The following KDM5A variants were observed in gnomAD, a reference collection of about 807,000 sequenced individuals.
KDM5A encodes lysine-specific demethylase 5A.
In KDM5A, 42 loss-of-function variants were observed where a neutral mutation model predicts 193.5. The observed-to-expected ratio is 0.22, with a 90% CI of 0.17 to 0.28. KDM5A has a LOEUF of 0.28. Among genes scored for constraint, KDM5A ranks in the 10% least tolerant of loss-of-function variants. The pLI is 1.00. For synonymous variants in KDM5A, 796 were observed against 718.1 expected (o/e 1.11, Z -1.73); for missense variants, 1,692 against 2,055.1 (o/e 0.82, Z 3.42).
chr12:330,085 G>GTGTGTGTGTGTGTGTGTGTGTATATATA (rs377271333), intron 13 of KDM5A, among the ~76,000 whole-genome samples: 1 of 139,322 alleles, frequency 7.2e-6, no homozygotes, highest in African/African-American at 2.7e-5. Context: ...GTGTGTGTGT[G>GTGTGTGTGTGTGTGTGTGTGTATATATA]TATATATATA....
At chr12:286,951 C>A (rs1943226424) in intron 27 of KDM5A, among the ~76,000 whole-genome samples, 1 of 152,146 alleles carries the variant, frequency 6.6e-6, no homozygotes. Flanking sequence ...TCATTTCAGG[C>A]AAGTCATTTA....
At position 333,643 on chromosome 12, in the gene KDM5A, C is replaced by A; in HGVS notation, c.1497G>T (p.Glu499Asp). 1 of 1,614,088 alleles carries A rather than the reference C, an allele frequency of 6.2e-7. No individual in the cohort carries two copies. The change falls in exon 12 of 28, where the codon GAG (glutamate) becomes GAT (aspartate). Residue 499 changes from glutamate (E) to aspartate (D), a missense_variant. This residue lies in a region of KDM5A where 172 missense variants were observed against 260.3 expected (regional missense o/e 0.66). Transcript: ENST00000399788. ...ATGGCACACCATACCATGTCTTTGG[C>A]TCCCCCCTAGCAAAAGAAGTAACTG... ...SYSINYLHWG[E>D]PKTWYGVPSH...
chr12:375,052 T>C (rs1375199055), intron 3 of KDM5A, among the ~76,000 whole-genome samples: 2 of 152,212 alleles, frequency 1.3e-5, no homozygotes, highest in African/African-American at 2.4e-5. Flanking sequence ...CAATTATGTG[T>C]CTTGGAGTTG....
chr12:299,151 C>A (rs1292920556), intron 24 of KDM5A, among the ~76,000 whole-genome samples: 1 of 152,134 alleles, frequency 6.6e-6, no homozygotes, highest in Non-Finnish European at 1.5e-5. Context: ...AGAACTTCCC[C>A]AACCTAGCAA....
intron 5 of KDM5A, 59 bp from the exon 6 acceptor site, chr12:356,596 T>C: frequency 8.9e-7 from 1 of 1,120,468 alleles, no homozygotes; most frequent in Middle Eastern, 2.0e-4. Context: ...ATTAATTTTT[T>C]TACCCAAGGA....
chr12:356,293 G>C (rs1944228587), intron 6 of KDM5A, 139 bp downstream of exon 6: 3 of 663,170 alleles, frequency 4.5e-6, no homozygotes, highest in Non-Finnish European at 8.1e-6. Flanking sequence ...ATTAAAAAAG[G>C]CGATTTGCCT....
chr12:284,250 TA>T lies in KDM5A; in HGVS notation c.*1205del. ...TATTTATATATTCATATATGTATAT[TA>T]AAAAAGGAAAAATAATCTATGTATA... On this transcript the variant is annotated 3_prime_UTR_variant, in exon 28 of 28. Coordinates refer to ENST00000399788, the MANE Select transcript of KDM5A (RefSeq NM_001042603.3). 4.4e-6 allele frequency: 1 copy of T among 225,550 alleles called. No individual in the cohort carries two copies. The highest frequency in any genetic ancestry group is 8.8e-6 in the Non-Finnish European group (1 of 113,530). 14.0% of individuals were successfully genotyped at this position (225,550 alleles called of 1,614,324 possible). A position where few individuals can be genotyped will look rare whatever the true frequency, so the allele number is the denominator to read the frequency against.
chr12:286,352 C>T, intron 27 of KDM5A: 1 of 358,414 alleles, frequency 2.8e-6, no homozygotes, highest in Non-Finnish European at 5.4e-6. Context: ...CAAACTTTGA[C>T]CCTTCTGACA....
intron 13 of KDM5A, among the ~76,000 whole-genome samples, chr12:330,964 A>G (rs967791000): frequency 6.6e-6 from 1 of 152,186 alleles, no homozygotes; most frequent in East Asian, 1.9e-4. Flanking sequence ...CATAACAGCC[A>G]CTAAATACTT....
chr12:376,182 A>C (rs917378354), intron 3 of KDM5A, among the ~76,000 whole-genome samples: 5 of 152,176 alleles, frequency 3.3e-5, no homozygotes, highest in African/African-American at 9.7e-5. Context: ...CCAGAGGTGG[A>C]GTCTACAGAG....
At chr12:374,408 T>C (rs1466516526) in intron 3 of KDM5A, among the ~76,000 whole-genome samples, 1 of 152,178 alleles carries the variant, frequency 6.6e-6, no homozygotes, top group Non-Finnish European at 1.5e-5. Flanking sequence ...CCTGCCTTTT[T>C]TGTTTTCCAT....
rs1166418857 is a variant in KDM5A at position 295,822 on chromosome 12, C to T, written c.4235-29G>A. The T allele has an allele frequency of 2.5e-6, 4 of 1,590,590 alleles. No homozygotes were observed. In the African/African-American group the frequency reaches 4.0e-5, roughly 16 times the overall value. On this transcript the variant is annotated intron_variant, in intron 25 of 27. Coordinates refer to ENST00000399788, the MANE Select transcript of KDM5A (RefSeq NM_001042603.3). ...TCCCAAAAAATACCATAAAACAAAG[C>T]AAAAAAAATTAAAACTATGGAAAAA...
chr12:362,905 C>T, intron 5 of KDM5A, 58 bp downstream of exon 5: 1 of 1,534,726 alleles, frequency 6.5e-7, no homozygotes, highest in Non-Finnish European at 9.0e-7. Flanking sequence ...CTAGCCTGGG[C>T]AACATCAGGA....
chr12:373,698 C>T (rs1425950474), intron 3 of KDM5A, among the ~76,000 whole-genome samples: 2 of 152,174 alleles, frequency 1.3e-5, no homozygotes, highest in East Asian at 3.8e-4. Flanking sequence ...ATCTTTCCTG[C>T]TTTCTCTTGT....
chr12:295,871 A>C (rs1943364581), intron 25 of KDM5A, 78 bp from the exon 26 acceptor site: 16 of 1,245,920 alleles, frequency 1.3e-5, no homozygotes, highest in Admixed American at 3.6e-5. Context: ...GCAAATATTG[A>C]GACTAGCCCC....
At position 323,210 on chromosome 12, in the gene KDM5A, C is replaced by CAAAAAAAAAAAAAAAAAA. The variant is rs60377454; in HGVS notation, c.2151-22_2151-5dup. 155 of 297,136 alleles carry CAAAAAAAAAAAAAAAAAA rather than the reference C, an allele frequency of 5.2e-4. 8 individuals are homozygous for CAAAAAAAAAAAAAAAAAA. The highest frequency in any genetic ancestry group is 1.4e-3 in the Admixed American group (11 of 7,932). 18.4% of individuals were successfully genotyped at this position (297,136 alleles called of 1,614,324 possible). On this transcript the variant is annotated splice_region_variant and splice_polypyrimidine_tract_variant and intron_variant, in intron 15 of 27. Transcript: ENST00000399788. Reference sequence around the variant, plus strand: ...GTCTTCTAATGGGTAGCGATATCTACAAAAAAAAAAAAAAAAAAAAAAAAA... The same window carrying CAAAAAAAAAAAAAAAAAA: ...GTCTTCTAATGGGTAGCGATATCTACAAAAAAAAAAAAAAAAAAAAAAAAAAAAAAAAAAAAAAAAAAA...
chr12:335,169 A>C (rs994067553), intron 10 of KDM5A, among the ~76,000 whole-genome samples: 3 of 152,278 alleles, frequency 2.0e-5, no homozygotes, highest in African/African-American at 7.2e-5. Context: ...CAGTTTCTGG[A>C]AACAGAGTGG....
At chr12:292,730 A>G in intron 27 of KDM5A, 29 bp downstream of exon 27, 1 of 1,614,066 alleles carries the variant, frequency 6.2e-7, no homozygotes, top group Non-Finnish European at 8.5e-7. Context: ...TTGACCTCTC[A>G]TGCTTGACTA....
intron 3 of KDM5A, among the ~76,000 whole-genome samples, chr12:379,001 T>G (rs574766796): frequency 6.6e-6 from 1 of 151,774 alleles, no homozygotes; most frequent in African/African-American, 2.4e-5. Flanking sequence ...AGAAGTCTAT[T>G]AAATTACAGG....
Sources: gnomAD v4.1 joint callset for allele counts (sites outside exome capture counted in the v4.1 genomes callset) on GRCh38, gnomAD v4.1.1 for gene constraint, gnomAD v4.1.1 regional missense constraint, MANE v1.5 for transcripts, NCBI Gene and HGNC (gene_info 2026-07-23, HGNC 2026-07-21) for gene names.